Variants in TRAPPC8 observed in about 807,000 individuals in gnomAD.
TRAPPC8 encodes the protein trafficking protein particle complex subunit 8.
A neutral mutation model predicts 174.3 loss-of-function variants in TRAPPC8; 54 were observed. The ratio of observed to expected loss-of-function variants is 0.31; its 90% CI spans 0.25 to 0.39. The LOEUF (loss-of-function observed/expected upper bound fraction) is 0.39. Among genes scored for constraint, TRAPPC8 ranks in the 10% least tolerant of loss-of-function variants. The pLI, the probability that TRAPPC8 is intolerant of heterozygous loss-of-function variation, is 1.00. For missense variants in TRAPPC8, 1,531 were observed against 1,699.1 expected (o/e 0.90, Z 1.74); for synonymous variants, 630 against 579.9 (o/e 1.09, Z -1.24).
intron 25 of TRAPPC8, among the ~76,000 whole-genome samples, chr18:31,849,213 A>G (rs2033574643): frequency 6.6e-6 from 1 of 152,182 alleles, no homozygotes; most frequent in African/African-American, 2.4e-5. Context: ...ATAACAAAAA[A>G]TTAATGGTTT....
rs536585773 is a variant in TRAPPC8 at position 31,936,225 on chromosome 18, G to A, written c.158-4702C>T. On this transcript the variant is annotated intron_variant, in intron 1 of 28. Coordinates refer to ENST00000283351, the MANE Select transcript of TRAPPC8 (RefSeq NM_014939.5). ...TGTAATCTAGGCACTTTGGGAGGCC[G>A]AGGCTGGCAGATCGCTTGAGTCCAA... is the stretch of plus-strand genomic sequence containing the variant. Among the ~76,000 whole-genome samples the A allele has an allele frequency of 1.6e-4, 25 of 151,898 alleles. No individual in the cohort carries two copies. The South Asian group carries it at 2.5e-3, about 15-fold the overall frequency.
intron 3 of TRAPPC8, 40 bp from the exon 4 acceptor site, chr18:31,916,486 T>C: frequency 1.3e-6 from 2 of 1,545,760 alleles, no homozygotes; most frequent in Non-Finnish European, 1.7e-6. Context: ...CGCTTATTAC[T>C]CAATGATAAA....
chr18:31,904,128 G>T (rs1312408806), intron 9 of TRAPPC8, among the ~76,000 whole-genome samples: 3 of 151,852 alleles, frequency 2.0e-5, no homozygotes, highest in African/African-American at 7.3e-5. Context: ...CCCAGCTACT[G>T]TGGGGGGCTG....
chr18:31,857,111 C>T (rs1179184887), intron 20 of TRAPPC8, among the ~76,000 whole-genome samples: 1 of 152,040 alleles, frequency 6.6e-6, no homozygotes, highest in Non-Finnish European at 1.5e-5. Flanking sequence ...TACTGTTTTT[C>T]ATACATTCTT....
intron 16 of TRAPPC8, 119 bp from the exon 17 acceptor site, chr18:31,867,595 T>TAATGA: frequency 1.4e-6 from 1 of 716,088 alleles, no homozygotes; most frequent in Non-Finnish European, 2.3e-6. Context: ...TTACTTGGTT[T>TAATGA]TTACCACATG....
At chr18:31,888,221 G>A (rs2035805802) in intron 12 of TRAPPC8, among the ~76,000 whole-genome samples, 1 of 152,152 alleles carries the variant, frequency 6.6e-6, no homozygotes. Flanking sequence ...CCATTTCATG[G>A]CAGTCAGAAT....
At chr18:31,928,878 C>A (rs1227333022) in intron 2 of TRAPPC8, among the ~76,000 whole-genome samples, 2 of 151,958 alleles carry the variant, frequency 1.3e-5, no homozygotes, top group Non-Finnish European at 2.9e-5. Context: ...CTACGAGAGG[C>A]CTTAAGAAAG....
intron 13 of TRAPPC8, 75 bp from the exon 14 acceptor site, chr18:31,873,613 T>A: frequency 2.1e-6 from 2 of 964,566 alleles, no homozygotes; most frequent in Admixed American, 4.9e-5. Context: ...CGTTTCTTAA[T>A]ACACAAGGCA....
intron 2 of TRAPPC8, among the ~76,000 whole-genome samples, chr18:31,929,287 C>T (rs913928515): frequency 4.6e-5 from 7 of 152,018 alleles, no homozygotes; most frequent in African/African-American, 7.2e-5. Flanking sequence ...GGCATGGTGG[C>T]TCATGCCTGT....
chr18:31,829,897 A>G lies in TRAPPC8; in HGVS notation c.*858T>C, dbSNP rs1329004765. 1 of 152,670 alleles carries G rather than the reference A, an allele frequency of 6.6e-6. No individual in the cohort carries two copies. The highest frequency in any genetic ancestry group is 1.5e-5 in the Non-Finnish European group (1 of 68,042). The allele number at this position is 152,670 out of a possible 1,614,324, so 9.5% of individuals were successfully genotyped here. ...ATGCCCATTCTCTGAATAAAAAAAT[A>G]TTTTGAAACCAGACTTTCTAATCAA... On this transcript the variant is annotated 3_prime_UTR_variant, in exon 29 of 29. Coordinates refer to ENST00000283351, the MANE Select transcript of TRAPPC8 (RefSeq NM_014939.5).
chr18:31,856,343 G>A (rs1192000809), intron 20 of TRAPPC8, among the ~76,000 whole-genome samples: 4 of 151,986 alleles, frequency 2.6e-5, no homozygotes, highest in African/African-American at 9.7e-5. Context: ...TGCTTTCTAG[G>A]ATATTTAGGG....
At chr18:31,846,350 G>A (rs1205198418) in intron 26 of TRAPPC8, among the ~76,000 whole-genome samples, 1 of 152,136 alleles carries the variant, frequency 6.6e-6, no homozygotes, top group African/African-American at 2.4e-5. Flanking sequence ...AAGGCAGGAG[G>A]ATCGCTTGAG....
At chr18:31,895,559 G>A (rs547006942) in intron 11 of TRAPPC8, among the ~76,000 whole-genome samples, 2 of 152,054 alleles carry the variant, frequency 1.3e-5, no homozygotes, top group South Asian at 2.1e-4. Context: ...AAAATAACAC[G>A]GTTATAATGC....
chr18:31,854,295 C>G (rs1017430738), intron 21 of TRAPPC8, among the ~76,000 whole-genome samples: 8 of 151,962 alleles, frequency 5.3e-5, no homozygotes, highest in African/African-American at 1.9e-4. Flanking sequence ...TTTTATTTCT[C>G]TACTCTGAGA....
intron 17 of TRAPPC8, 130 bp downstream of exon 17, chr18:31,867,272 G>A: frequency 2.6e-6 from 2 of 756,564 alleles, no homozygotes; most frequent in South Asian, 1.7e-5. Flanking sequence ...CAATTCCTAT[G>A]TCCTAATCTT....
At chr18:31,942,317 TG>T (rs1414020288) in intron 1 of TRAPPC8, among the ~76,000 whole-genome samples, 1 of 152,254 alleles carries the variant, frequency 6.6e-6, no homozygotes, top group Non-Finnish European at 1.5e-5. Context: ...ACAGTCTCAA[TG>T]CCGTTCTCGA....
At chr18:31,881,514 A>G (rs1162578633) in intron 12 of TRAPPC8, among the ~76,000 whole-genome samples, 1 of 152,086 alleles carries the variant, frequency 6.6e-6, no homozygotes. Context: ...TAAAGACTTA[A>G]AGATAAGACC....
chr18:31,864,601 C>A, intron 19 of TRAPPC8, 26 bp downstream of exon 19: 1 of 1,600,750 alleles, frequency 6.2e-7, no homozygotes, highest in South Asian at 1.1e-5. Flanking sequence ...TAAATTAAGT[C>A]CATGAAATTT....
At position 31,913,437 on chromosome 18, in the gene TRAPPC8, G is replaced by A; in HGVS notation, c.703C>T (p.Arg235Ter). 2 of 1,610,988 alleles carry A rather than the reference G, an allele frequency of 1.2e-6. No individual in the cohort carries two copies. Among genetic ancestry groups the A allele is most frequent in the Non-Finnish European group, 8.5e-7 (1 of 1,178,972 alleles). Residue 235 changes from arginine to a stop codon, truncating the protein, a stop_gained, in exon 5 of 29, where the codon CGA (arginine) becomes TGA (stop). Transcript: ENST00000283351. LOFTEE classifies it high-confidence loss of function. ...TCTGGTATCTGTTCATCTGATGCTC[G>A]ATTAGATGTTCGAGAATTAATTTTA... ...LLKINSRTSNRASDEQIPDPW... is the reference protein window; with the variant it reads ...LLKINSRTSN
Sources: gnomAD v4.1 joint callset for allele counts (sites outside exome capture counted in the v4.1 genomes callset) on GRCh38, gnomAD v4.1.1 for gene constraint, MANE v1.5 for transcripts, NCBI Gene and HGNC (gene_info 2026-07-23, HGNC 2026-07-21) for gene names.